PTPRG: variants seen among roughly 807,000 people sequenced by gnomAD.
PTPRG encodes the protein protein tyrosine phosphatase receptor type G.
PTPRG carries 102 observed loss-of-function variants against 165.3 expected under a neutral mutation model. The ratio of observed to expected loss-of-function variants is 0.62; its 90% confidence interval spans 0.53 to 0.73. PTPRG has a LOEUF of 0.73. PTPRG is among the 30% of genes least tolerant of loss of function. PTPRG has a pLI of 0.00. For synonymous variants in PTPRG, 675 were observed against 669.5 expected, an observed-to-expected ratio of 1.01 and a Z score of -0.13; for missense variants, 1,866 against 1,861.4, an observed-to-expected ratio of 1.00 and a Z score of -0.05.
At chr3:61,729,799 T>C (rs73842332) in intron 1 of PTPRG, among the ~76,000 whole-genome samples, 6,156 of 152,268 alleles carry the variant, frequency 0.04, 205 homozygotes, top group African/African-American at 0.091. Context: ...ATGTACTCTC[T>C]TGCCTATTTA....
chr3:61,567,284 A>C (rs1699935593), intron 1 of PTPRG, among the ~76,000 whole-genome samples: 1 of 152,064 alleles, frequency 6.6e-6, no homozygotes, highest in Admixed American at 6.6e-5. Flanking sequence ...CTCAGGAGGG[A>C]CTCAGGAGGG....
chr3:61,700,321 C>T (rs1394707411), intron 1 of PTPRG, among the ~76,000 whole-genome samples: 1 of 152,056 alleles, frequency 6.6e-6, no homozygotes, highest in Non-Finnish European at 1.5e-5. Flanking sequence ...TTGATACCTG[C>T]AAGTAAATAG....
At chr3:61,933,554 A>G (rs1053610209) in intron 2 of PTPRG, among the ~76,000 whole-genome samples, 7 of 152,108 alleles carry the variant, frequency 4.6e-5, no homozygotes, top group East Asian at 1.9e-4. Context: ...GTTAATAACA[A>G]TTTCCACTAA....
rs941162643 is a variant in PTPRG, at chr3:61,742,332, C to T, written c.86-6546C>T. 7 of 626,568 alleles carry T rather than the reference C, an allele frequency of 1.1e-5. No homozygotes were observed. In the East Asian group the frequency reaches 1.4e-4, roughly 13 times the overall value. 38.8% of individuals were successfully genotyped at this position (626,568 alleles called of 1,614,324 possible). On this transcript the variant is annotated intron_variant, in intron 1 of 29. Transcript: ENST00000474889. ...AAATGAGGCACGTAGGAAACAGTTGCGTTGATATCTTCAGTAGTAGGTGAC... is the reference window on the plus strand; with the variant it reads ...AAATGAGGCACGTAGGAAACAGTTGTGTTGATATCTTCAGTAGTAGGTGAC...
chr3:61,902,545 A>G (rs1383812652), intron 2 of PTPRG, among the ~76,000 whole-genome samples: 11 of 152,186 alleles, frequency 7.2e-5, no homozygotes, highest in Admixed American at 7.2e-4. Context: ...CTATATTGCT[A>G]AGTTACCATC....
chr3:61,964,565 C>T (rs1420484906), intron 2 of PTPRG, among the ~76,000 whole-genome samples: 2 of 152,130 alleles, frequency 1.3e-5, no homozygotes, highest in Non-Finnish European at 2.9e-5. Flanking sequence ...CTGAACTGCC[C>T]TTCACTAGAA....
intron 1 of PTPRG, among the ~76,000 whole-genome samples, chr3:61,612,384 T>G (rs1701195485): frequency 6.6e-6 from 1 of 152,216 alleles, no homozygotes; most frequent in South Asian, 2.1e-4. Flanking sequence ...TCCATCCAGT[T>G]GAGCAACTGT....
At position 62,003,354 on chromosome 3, in the gene PTPRG, A is replaced by G. The variant is rs140777402; in HGVS notation, c.376A>G (p.Ile126Val). The change falls in exon 4 of 30, where the codon ATC becomes GTC. Residue 126 changes from isoleucine (I) to valine (V), a missense_variant. Ile to Val is a conservative substitution (Grantham distance 29, BLOSUM62 3). Coordinates refer to ENST00000474889, the MANE Select transcript of PTPRG (RefSeq NM_002841.4). ...WMKNTGKTVAILLKDDYFVSG... is the reference protein window; with the variant it reads ...WMKNTGKTVAVLLKDDYFVSG... The stretch of plus-strand genomic sequence containing the variant: ...TTCTCATTTGTTTCACACAGTCGCC[A>G]TCCTTCTGAAAGACGACTATTTTGT... 308 of 1,613,634 alleles carry G rather than the reference A, an allele frequency of 1.9e-4. No individual in the cohort carries two copies. The highest frequency in any genetic ancestry group is 2.5e-4 in the Non-Finnish European group (291 of 1,179,790).
intron 1 of PTPRG, among the ~76,000 whole-genome samples, chr3:61,747,074 G>C (rs540765582): frequency 9.2e-4 from 140 of 152,196 alleles, no homozygotes; most frequent in African/African-American, 3.3e-3. Context: ...AGTGAACCAT[G>C]ATCTTGCTAC....
intron 12 of PTPRG, among the ~76,000 whole-genome samples, chr3:62,204,970 T>G (rs1700192107): frequency 6.6e-6 from 1 of 152,134 alleles, no homozygotes. Flanking sequence ...AGCAACAATT[T>G]TTTTTGCGTC....
At chr3:61,625,138 C>G (rs558904436) in intron 1 of PTPRG, among the ~76,000 whole-genome samples, 1 of 151,642 alleles carries the variant, frequency 6.6e-6, no homozygotes, top group Non-Finnish European at 1.5e-5. Context: ...CTCATTTTAA[C>G]TTGATTACCT....
At chr3:62,147,649 G>A (rs9881025) in intron 6 of PTPRG, among the ~76,000 whole-genome samples, 18,362 of 152,148 alleles carry the variant, frequency 0.12, 2,686 homozygotes, top group African/African-American at 0.35. Context: ...TCTGGGACTT[G>A]TTTGTTATTT....
intron 5 of PTPRG, among the ~76,000 whole-genome samples, chr3:62,118,982 C>A (rs1389598198): frequency 1.3e-5 from 2 of 152,202 alleles, no homozygotes; most frequent in East Asian, 3.9e-4. Context: ...TGCTTTTCTT[C>A]TAGGAAGCAA....
At chr3:62,064,110 T>C (rs1316863189) in intron 4 of PTPRG, among the ~76,000 whole-genome samples, 1 of 146,656 alleles carries the variant, frequency 6.8e-6, no homozygotes, top group Non-Finnish European at 1.5e-5. Context: ...GTTTTTCTTT[T>C]TCTGCTCATT....
intron 7 of PTPRG, among the ~76,000 whole-genome samples, chr3:62,159,191 G>T (rs543700370): frequency 3.3e-5 from 5 of 152,060 alleles, no homozygotes; most frequent in African/African-American, 1.2e-4. Context: ...TTATCCAGGC[G>T]TGGTGGCACA....
intron 1 of PTPRG, among the ~76,000 whole-genome samples, chr3:61,710,195 T>C (rs1358426699): frequency 6.6e-6 from 1 of 152,224 alleles, no homozygotes; most frequent in Non-Finnish European, 1.5e-5. Context: ...AGTGGCTGTC[T>C]GAAAATGGAA....
chr3:62,230,708 T>C (rs915643308), intron 13 of PTPRG, among the ~76,000 whole-genome samples: 3 of 152,174 alleles, frequency 2.0e-5, no homozygotes, highest in Non-Finnish European at 4.4e-5. Flanking sequence ...CAATCTGTAT[T>C]GTGAATTAAG....
At chr3:62,207,096 A>C (rs1407208958) in intron 12 of PTPRG, among the ~76,000 whole-genome samples, 2 of 152,132 alleles carry the variant, frequency 1.3e-5, no homozygotes, top group Non-Finnish European at 2.9e-5. Flanking sequence ...TGTTTAAGCC[A>C]GATATAAGCA....
In PTPRG at chr3:62,297,577, C is replaced by G. The variant is rs1015524542; in HGVS notation, c.*4270C>G. The G allele has an allele frequency of 9.9e-5, 15 of 151,268 alleles. No homozygotes were observed. The highest frequency in any genetic ancestry group is 3.6e-4 in the African/African-American group (15 of 41,164). The allele number at this position is 151,268 out of a possible 1,614,324, so 9.4% of individuals were successfully genotyped here. On this transcript the variant is annotated 3_prime_UTR_variant, in exon 30 of 30. Coordinates refer to ENST00000474889, the MANE Select transcript of PTPRG (RefSeq NM_002841.4). Reference sequence around the variant, plus strand: ...GTTATTTAATATGTAAATTGTATTGCTATACATAAAATAAAGTATGGTTTT... The same window carrying G: ...GTTATTTAATATGTAAATTGTATTGGTATACATAAAATAAAGTATGGTTTT...
Sources: gnomAD v4.1 joint callset for allele counts (sites outside exome capture counted in the v4.1 genomes callset) on GRCh38, gnomAD v4.1.1 for gene constraint, MANE v1.5 for transcripts, NCBI Gene and HGNC (gene_info 2026-07-23, HGNC 2026-07-21) for gene names.